PEMT: variants seen among roughly 807,000 people sequenced by gnomAD.
PEMT encodes the protein phospholipid methyltransferase.
In PEMT, 23 loss-of-function variants were observed where a neutral mutation model predicts 27.4. The observed-to-expected ratio is 0.84, with a 90% CI of 0.60 to 1.19. The LOEUF is 1.19. PEMT is among the 50% of genes most tolerant of loss of function. PEMT has a pLI of 0.00. For synonymous variants in PEMT, 137 were observed against 139.1 expected (o/e 0.98, Z 0.11); for missense variants, 307 against 310.1 (o/e 0.99, Z 0.07).
chr17:17,564,377 T>A (rs910620079), intron 2 of PEMT, among the ~76,000 whole-genome samples: 1 of 148,506 alleles, frequency 6.7e-6, no homozygotes, highest in Non-Finnish European at 1.5e-5. Context: ...TTCCAAGCCC[T>A]CTTCCCCATC....
At position 17,582,535 on chromosome 17, in the gene PEMT, A is replaced by C; in HGVS notation, c.97-5508T>G. The C allele has an allele frequency of 1.2e-4, 54 of 463,786 alleles. No individual in the cohort carries two copies. The highest frequency in any genetic ancestry group is 1.4e-4 in the Non-Finnish European group (51 of 353,334). 28.7% of individuals were successfully genotyped at this position (463,786 alleles called of 1,614,324 possible). A position where few individuals can be genotyped will look rare whatever the true frequency, so the allele number is the denominator to read the frequency against. On this transcript the variant is annotated intron_variant, in intron 1 of 6. Coordinates refer to ENST00000255389, the MANE Select transcript of PEMT (RefSeq NM_148172.3). The surrounding 1 kb of genome is among the most constrained non-coding windows in gnomAD (Gnocchi z 4.9). ...GATTCCAGGCCACACACCACACACA[A>C]CAAAGGGCAGGGGAATGGGTGGGGG... is the stretch of plus-strand genomic sequence containing the variant.
chr17:17,507,260 G>A, intron 5 of PEMT: 2 of 1,394,126 alleles, frequency 1.4e-6, no homozygotes, highest in African/African-American at 1.4e-5. Flanking sequence ...GAAAGGAGCT[G>A]TCTGGCGGGC....
chr17:17,588,012 A>G (rs1216932573), intron 1 of PEMT, among the ~76,000 whole-genome samples: 1 of 152,262 alleles, frequency 6.6e-6, no homozygotes, highest in Non-Finnish European at 1.5e-5. Flanking sequence ...AGATCACCCC[A>G]GGAATCCAGA....
intron 1 of PEMT, among the ~76,000 whole-genome samples, chr17:17,588,488 G>A (rs1273412038): frequency 2.0e-5 from 3 of 152,080 alleles, no homozygotes; most frequent in Non-Finnish European, 4.4e-5. Context: ...CCACCCTTAG[G>A]TGGGCTGCAC....
intron 2 of PEMT, among the ~76,000 whole-genome samples, chr17:17,559,554 T>C (rs1275960263): frequency 6.6e-6 from 1 of 152,176 alleles, no homozygotes; most frequent in Non-Finnish European, 1.5e-5. Context: ...AACGGGCCTG[T>C]GAGTCCTCAG....
rs1911666339 is a variant in PEMT, at chr17:17,577,280, A to T, written c.97-253T>A. 2.5e-5 allele frequency: 12 copies of T among 481,666 alleles called. No homozygotes were observed. The Admixed American group carries it at 4.0e-4, about 16-fold the overall frequency. The allele number at this position is 481,666 out of a possible 1,614,324, so 29.8% of individuals were successfully genotyped here. On this transcript the variant is annotated intron_variant, in intron 1 of 6. Transcript: ENST00000255389. Reference sequence around the variant, plus strand: ...CAGATGAGGAAATCAGCACCTCTGAAGAGGGGTGCCTGGCACCCTGAAGGG... The same window carrying T: ...CAGATGAGGAAATCAGCACCTCTGATGAGGGGTGCCTGGCACCCTGAAGGG...
intron 2 of PEMT, among the ~76,000 whole-genome samples, chr17:17,535,463 G>C (rs1022737549): frequency 3.9e-5 from 6 of 152,048 alleles, no homozygotes. Flanking sequence ...CTACTCAGGA[G>C]GCTGAGGCAG....
intron 2 of PEMT, among the ~76,000 whole-genome samples, chr17:17,531,097 C>T (rs1307946403): frequency 6.6e-6 from 1 of 151,862 alleles, no homozygotes; most frequent in Non-Finnish European, 1.5e-5. Context: ...CAGTGAGCAC[C>T]CTAGCATTCA....
chr17:17,545,558 T>C (rs1909199191), intron 2 of PEMT, among the ~76,000 whole-genome samples: 1 of 152,250 alleles, frequency 6.6e-6, no homozygotes, highest in Non-Finnish European at 1.5e-5. Flanking sequence ...TCCTGCATGC[T>C]GAGTCTTGGC....
chr17:17,578,016 CAAA>C (rs1332805592), intron 1 of PEMT, among the ~76,000 whole-genome samples: 5 of 60,638 alleles, frequency 8.2e-5, no homozygotes, highest in Non-Finnish European at 1.2e-4. Flanking sequence ...GACTCCGTCT[CAAA>C]AAAAAAAAAA....
rs762598639 is a variant in PEMT, at chr17:17,522,403, G to A, written c.205-8C>T. 1.1e-5 allele frequency: 18 copies of A among 1,584,438 alleles called. No homozygotes were observed. Among genetic ancestry groups the A allele is most frequent in the East Asian group, 2.2e-5 (1 of 44,710 alleles). On this transcript the variant is annotated splice_polypyrimidine_tract_variant and splice_region_variant and intron_variant, in intron 2 of 6. Coordinates refer to ENST00000255389, the MANE Select transcript of PEMT (RefSeq NM_148172.3). ...GTGTTCCCATCGTGCAACCTAAACCGTGAGCAGAGAACAAGAACGAGATAT... is the reference window on the plus strand; with the variant it reads ...GTGTTCCCATCGTGCAACCTAAACCATGAGCAGAGAACAAGAACGAGATAT...
chr17:17,515,813 A>T (rs923524882), intron 3 of PEMT, among the ~76,000 whole-genome samples: 5 of 152,184 alleles, frequency 3.3e-5, no homozygotes, highest in Non-Finnish European at 7.4e-5. Flanking sequence ...ATTCCGCACT[A>T]GGGGTGGGGA....
chr17:17,551,747 G>A (rs767959048), intron 2 of PEMT, among the ~76,000 whole-genome samples: 1 of 152,194 alleles, frequency 6.6e-6, no homozygotes, highest in African/African-American at 2.4e-5. Context: ...GGCCACCAGC[G>A]CAGGGCATGA....
rs2142512869 is a variant in PEMT at position 17,512,487 on chromosome 17, AC to A, written c.466+21del. 1.9e-6 allele frequency: 3 copies of A among 1,541,618 alleles called. No individual in the cohort carries two copies. Among genetic ancestry groups the A allele is most frequent in the Non-Finnish European group, 2.6e-6 (3 of 1,138,764 alleles). Reference sequence around the variant, plus strand: ...GGCTCCAGCGGTCCTGCTCAGGGTCACCCCAGCCCTCAGGGTCTTACCTAGG... The same window carrying A: ...GGCTCCAGCGGTCCTGCTCAGGGTCACCCAGCCCTCAGGGTCTTACCTAGG... On this transcript the variant is annotated intron_variant, in intron 4 of 6. Transcript: ENST00000255389. The surrounding 1 kb of genome is among the most constrained non-coding windows in gnomAD (Gnocchi z 6.3).
intron 2 of PEMT, among the ~76,000 whole-genome samples, chr17:17,552,436 G>A (rs536404217): frequency 6.6e-6 from 1 of 152,286 alleles, no homozygotes; most frequent in East Asian, 1.9e-4. Context: ...TAAGGGCCTT[G>A]CCTGAAACGG....
chr17:17,523,319 C>T lies in PEMT; in HGVS notation c.205-924G>A, dbSNP rs540646649. 2.0e-5 allele frequency among the ~76,000 whole-genome samples: 3 copies of T among 152,296 alleles called. No individual in the cohort carries two copies. The highest frequency in any genetic ancestry group is 3.9e-4 in the East Asian group (2 of 5,174). ...CCACCTACCTCCACCCCAGCCCCAG[C>T]GATGACTGCTGCCTGCTCCACTTCC... is the stretch of plus-strand genomic sequence containing the variant. On this transcript the variant is annotated intron_variant, in intron 2 of 6. Transcript: ENST00000255389. This position sits in a 1 kb window ranked among gnomAD's most constrained non-coding sequence, Gnocchi z 4.8.
chr17:17,586,935 G>A (rs1432020266), intron 1 of PEMT, among the ~76,000 whole-genome samples: 4 of 152,050 alleles, frequency 2.6e-5, no homozygotes, highest in Non-Finnish European at 4.4e-5. Flanking sequence ...CCCGGGAGAC[G>A]GAGGTTGCAG....
intron 2 of PEMT, among the ~76,000 whole-genome samples, chr17:17,527,285 C>T (rs1020266332): frequency 6.6e-6 from 1 of 152,222 alleles, no homozygotes; most frequent in African/African-American, 2.4e-5. Flanking sequence ...GATCCGCCCG[C>T]CTCGGCCTCT....
At position 17,505,688 on chromosome 17, in the gene PEMT, G is replaced by A; in HGVS notation, c.*103C>T. ...GGCACTGGGGCAGCCCACGCCGGGG[G>A]CGAGCCCTGAGCAGCAGGCACCATT... On this transcript the variant is annotated 3_prime_UTR_variant, in exon 7 of 7. Transcript: ENST00000255389. 1.5e-6 allele frequency: 2 copies of A among 1,345,032 alleles called. No homozygotes were observed. Among genetic ancestry groups the A allele is most frequent in the Non-Finnish European group, 2.0e-6 (2 of 1,024,696 alleles). The allele number at this position is 1,345,032 out of a possible 1,614,324, so 83.3% of individuals were successfully genotyped here.
Sources: allele counts gnomAD v4.1 joint callset (sites outside exome capture counted in the v4.1 genomes callset), GRCh38; gene constraint gnomAD v4.1.1; non-coding constraint Gnocchi (gnomAD v3.1); transcripts MANE v1.5; gene names NCBI Gene and HGNC (gene_info 2026-07-23, HGNC 2026-07-21).